Variants in ANO4 observed in about 807,000 individuals in gnomAD.
ANO4 encodes anoctamin-4.
A neutral mutation model predicts 141.9 loss-of-function variants in ANO4; 69 were observed. That is an observed-to-expected ratio of 0.49 (90% CI 0.40 to 0.59). The LOEUF (loss-of-function observed/expected upper bound fraction) is 0.59. Among genes scored for constraint, ANO4 ranks in the 20% least tolerant of loss-of-function variants. The pLI is 0.00. For missense variants in ANO4, 894 were observed against 1,162.2 expected, an observed-to-expected ratio of 0.77 and a Z score of 3.36; for synonymous variants, 350 against 394.3, an observed-to-expected ratio of 0.89 and a Z score of 1.33.
intron 1 of ANO4, among the ~76,000 whole-genome samples, chr12:100,796,208 A>T (rs2034308801): frequency 6.6e-6 from 1 of 152,064 alleles, no homozygotes. Flanking sequence ...CACTCTAGAG[A>T]GGGTTCTTGC....
At chr12:101,043,426 T>C in intron 12 of ANO4, 113 bp from the exon 13 acceptor site, 1 of 724,362 alleles carries the variant, frequency 1.4e-6, no homozygotes, top group Non-Finnish European at 2.3e-6. Flanking sequence ...AAGATGCTTC[T>C]AAGGGCAAAC....
intron 1 of ANO4, among the ~76,000 whole-genome samples, chr12:100,730,061 A>G (rs966173619): frequency 6.6e-5 from 10 of 152,098 alleles, no homozygotes; most frequent in African/African-American, 2.4e-4. Flanking sequence ...CTGATTGTAT[A>G]CATTTTTTGG....
At chr12:100,815,759 G>A (rs1048601593) in intron 1 of ANO4, among the ~76,000 whole-genome samples, 3 of 101,112 alleles carry the variant, frequency 3.0e-5, no homozygotes, top group African/African-American at 1.5e-4. Flanking sequence ...ATATATGTGT[G>A]TGTGTGTGTG....
chr12:101,108,180 G>A (rs569211570), intron 22 of ANO4, among the ~76,000 whole-genome samples: 1 of 152,094 alleles, frequency 6.6e-6, no homozygotes, highest in African/African-American at 2.4e-5. Flanking sequence ...GAAGTCATAG[G>A]AGTAGATGGA....
chr12:100,805,778 A>G (rs1024956447), intron 1 of ANO4, among the ~76,000 whole-genome samples: 1 of 151,816 alleles, frequency 6.6e-6, no homozygotes, highest in Non-Finnish European at 1.5e-5. Context: ...TTTTGGAGGG[A>G]TCTCACTTTT....
intron 3 of ANO4, among the ~76,000 whole-genome samples, chr12:100,937,397 A>G (rs1038446952): frequency 6.6e-6 from 1 of 152,224 alleles, no homozygotes; most frequent in African/African-American, 2.4e-5. Context: ...GACAACAATT[A>G]TGGGAGGGAG....
chr12:100,912,417 G>GAAAAAAAAAAAAAAAAAAAAAAAAAAA (rs10641222), intron 2 of ANO4, among the ~76,000 whole-genome samples: 1 of 121,012 alleles, frequency 8.3e-6, no homozygotes, highest in Non-Finnish European at 1.7e-5. Context: ...AAAGAAAAAA[G>GAAAAAAAAAAAAAAAAAAAAAAAAAAA]AAAAAAAAAA....
chr12:101,032,502 A>G (rs2047014143), intron 9 of ANO4, among the ~76,000 whole-genome samples: 1 of 152,192 alleles, frequency 6.6e-6, no homozygotes, highest in Admixed American at 6.5e-5. Context: ...CTGCACAGCA[A>G]AAGAAACTAC....
At position 101,073,448 on chromosome 12, in the gene ANO4, G is replaced by A. The variant is rs538174549; in HGVS notation, c.1313-5745G>A. Among the ~76,000 whole-genome samples, 13 of 152,132 alleles carry A rather than the reference G, an allele frequency of 8.5e-5. 1 individual carries two copies. Among genetic ancestry groups the A allele is most frequent in the African/African-American group, 3.1e-4 (13 of 41,534 alleles). On this transcript the variant is annotated intron_variant, in intron 14 of 27. Transcript: ENST00000392977. ...GGGGTGGGGGGCAGGGAGAGGGATA[G>A]CGTTAGGAGAAATACCTAATGTAAA... is the stretch of plus-strand genomic sequence containing the variant.
chr12:101,120,555 T>C lies in ANO4; in HGVS notation c.2606T>C (p.Val869Ala), dbSNP rs2051044932. 1 of 1,614,132 alleles carries C rather than the reference T, an allele frequency of 6.2e-7. No individual in the cohort carries two copies. Among genetic ancestry groups the C allele is most frequent in the Non-Finnish European group, 8.5e-7 (1 of 1,180,004 alleles). ...TACCGTGACCCGCCTCATTCACTGGTGCCCTATGGCTACACACTGCAGTTT... is the reference window on the plus strand; with the variant it reads ...TACCGTGACCCGCCTCATTCACTGGCGCCCTATGGCTACACACTGCAGTTT... ...RDYRDPPHSL[V>A]PYGYTLQFWH... The change falls in exon 26 of 28, where the codon GTG becomes GCG. Residue 869 changes from valine (V) to alanine (A), a missense_variant. By Grantham distance (64) the Val-to-Ala change is moderately conservative. This residue lies in a region of ANO4 where 637 missense variants were observed against 909.2 expected (regional missense o/e 0.70). Transcript: ENST00000392977.
chr12:101,086,079 G>GGTGTGTGT (rs1491092389), intron 16 of ANO4, among the ~76,000 whole-genome samples: 1 of 72,950 alleles, frequency 1.4e-5, no homozygotes. Flanking sequence ...TGTTAACTAG[G>GGTGTGTGT]CTGTGTGTGT....
intron 2 of ANO4, among the ~76,000 whole-genome samples, chr12:100,908,553 T>C (rs2040951458): frequency 7.5e-6 from 1 of 134,226 alleles, no homozygotes; most frequent in Admixed American, 7.2e-5. Flanking sequence ...TTTTTAAAAC[T>C]CATATTATTC....
At chr12:101,096,770 C>A in intron 19 of ANO4, 123 bp downstream of exon 19, 1 of 703,894 alleles carries the variant, frequency 1.4e-6, no homozygotes. Context: ...AAGGGAAGAG[C>A]ATCCTCCTCC....
At chr12:100,967,583 A>G in intron 5 of ANO4, among the ~76,000 whole-genome samples, 1 of 140,246 alleles carries the variant, frequency 7.1e-6, no homozygotes, top group South Asian at 2.1e-4. Context: ...ACACACACAC[A>G]CACACACACA....
intron 1 of ANO4, among the ~76,000 whole-genome samples, chr12:100,834,244 AG>A: frequency 6.6e-6 from 1 of 152,142 alleles, no homozygotes. Context: ...GGTTCAGCCC[AG>A]CTACACCAGG....
intron 2 of ANO4, among the ~76,000 whole-genome samples, chr12:100,903,017 C>G (rs2040668507): frequency 6.6e-6 from 1 of 152,168 alleles, no homozygotes; most frequent in African/African-American, 2.4e-5. Context: ...ACACTGTACC[C>G]TTTTCCCTCT....
intron 5 of ANO4, among the ~76,000 whole-genome samples, chr12:100,961,957 C>G (rs1039514060): frequency 1.3e-5 from 2 of 152,138 alleles, no homozygotes; most frequent in Admixed American, 1.3e-4. Flanking sequence ...GTCTTCCAGA[C>G]TTGACATGGG....
At chr12:100,721,224 A>G (rs1002716457) in intron 1 of ANO4, among the ~76,000 whole-genome samples, 2 of 152,186 alleles carry the variant, frequency 1.3e-5, no homozygotes, top group Admixed American at 6.5e-5. Context: ...AGTATCTCCA[A>G]CTACTGAGCT....
At chr12:100,945,070 G>T (rs1484377497) in intron 5 of ANO4, among the ~76,000 whole-genome samples, 1 of 152,134 alleles carries the variant, frequency 6.6e-6, no homozygotes, top group Non-Finnish European at 1.5e-5. Flanking sequence ...AGGGACCCTT[G>T]TATATCTGAA....
Sources: gnomAD v4.1 joint callset for allele counts (sites outside exome capture counted in the v4.1 genomes callset) on GRCh38, gnomAD v4.1.1 for gene constraint, gnomAD v4.1.1 regional missense constraint, MANE v1.5 for transcripts, NCBI Gene and HGNC (gene_info 2026-07-23, HGNC 2026-07-21) for gene names.